The following DDR2 variants were observed in gnomAD, a reference collection of about 807,000 sequenced individuals.
DDR2 encodes the protein discoidin domain-containing receptor 2.
DDR2 carries 27 observed loss-of-function variants against 94.9 expected under a neutral mutation model. That is an observed-to-expected ratio of 0.28 (90% CI 0.21 to 0.39). DDR2 has a LOEUF of 0.39. DDR2 is among the 10% of genes least tolerant of loss of function. The pLI is 1.00. For missense variants in DDR2, 783 were observed against 1,076.0 expected (o/e 0.73, Z 3.81); for synonymous variants, 382 against 377.2 (o/e 1.01, Z -0.15).
intron 7 of DDR2, among the ~76,000 whole-genome samples, chr1:162,759,060 A>G (rs1349870253): frequency 2.0e-5 from 3 of 152,234 alleles, no homozygotes; most frequent in Admixed American, 2.0e-4. Context: ...AAGTCAAAAA[A>G]GCCTGCTAAG....
intron 11 of DDR2, among the ~76,000 whole-genome samples, chr1:162,768,246 T>C (rs1440263705): frequency 2.6e-5 from 4 of 152,234 alleles, no homozygotes; most frequent in Admixed American, 6.5e-5. Context: ...TTGGACCAAA[T>C]AGCAACTCCC....
intron 2 of DDR2, among the ~76,000 whole-genome samples, chr1:162,690,784 G>A (rs1013589495): frequency 1.3e-5 from 2 of 152,184 alleles, no homozygotes; most frequent in Non-Finnish European, 2.9e-5. Context: ...CCTCATGCCT[G>A]TTCCTGAGGA....
chr1:162,767,286 C>T lies in DDR2; in HGVS notation c.1220C>T (p.Ala407Val), dbSNP rs778996377. 1 of 1,614,072 alleles carries T rather than the reference C, an allele frequency of 6.2e-7. No individual in the cohort carries two copies. Among genetic ancestry groups the T allele is most frequent in the Admixed American group, 1.7e-5 (1 of 60,018 alleles). The change falls in exon 11 of 18, where the codon GCC (alanine) becomes GTC (valine). Residue 407 changes from alanine (A) to valine (V), a missense_variant. Coordinates refer to ENST00000367921, the MANE Select transcript of DDR2 (RefSeq NM_006182.4). ...NTRILIGCLV[A>V]IIFILLAIIV... ...CGGATCCTGATTGGCTGCTTGGTGG[C>T]CATCATCTTTATCCTCCTGGCCATC...
intron 2 of DDR2, among the ~76,000 whole-genome samples, chr1:162,684,280 A>G (rs973282325): frequency 6.6e-6 from 1 of 152,086 alleles, no homozygotes; most frequent in Non-Finnish European, 1.5e-5. Flanking sequence ...TCTTCCTTCC[A>G]AGCCTCTATT....
intron 3 of DDR2, among the ~76,000 whole-genome samples, chr1:162,747,024 A>C (rs1156386403): frequency 2.0e-5 from 3 of 152,220 alleles, no homozygotes; most frequent in Non-Finnish European, 4.4e-5. Flanking sequence ...CACCATCATC[A>C]AAGACTAAAG....
chr1:162,632,994 A>C (rs1656634375), intron 1 of DDR2, among the ~76,000 whole-genome samples: 1 of 152,240 alleles, frequency 6.6e-6, no homozygotes, highest in South Asian at 2.1e-4. Flanking sequence ...AAGAAGGCAG[A>C]GCAGGAGAGC....
intron 3 of DDR2, among the ~76,000 whole-genome samples, chr1:162,752,161 G>A (rs1374329402): frequency 6.7e-6 from 1 of 150,050 alleles, no homozygotes. Context: ...AAAGAGAAAA[G>A]AAAAAAAAAA....
At position 162,782,711 on chromosome 1, in the gene DDR2, A is replaced by C. The variant is rs1647970539; in HGVS notation, c.*2465A>C. ...CACTTATTCTTTTTTATGATTCTGC[A>C]CCAGTTCACTGGGTTATTCTATGAT... On this transcript the variant is annotated 3_prime_UTR_variant, in exon 18 of 18. Coordinates refer to ENST00000367921, the MANE Select transcript of DDR2 (RefSeq NM_006182.4). 6.6e-6 allele frequency: 1 copy of C among 152,134 alleles called. No homozygotes were observed. Among genetic ancestry groups the C allele is most frequent in the Admixed American group, 6.6e-5 (1 of 15,260 alleles). 9.4% of individuals were successfully genotyped at this position (152,134 alleles called of 1,614,324 possible). A position where few individuals can be genotyped will look rare whatever the true frequency, so the allele number is the denominator to read the frequency against.
At chr1:162,689,574 ATTT>A (rs66495803) in intron 2 of DDR2, among the ~76,000 whole-genome samples, 1 of 147,412 alleles carries the variant, frequency 6.8e-6, no homozygotes, top group Non-Finnish European at 1.5e-5. Flanking sequence ...GGTCTCACTT[ATTT>A]TTTTTTTTTG....
intron 2 of DDR2, among the ~76,000 whole-genome samples, chr1:162,656,952 A>G (rs1658016877): frequency 6.7e-6 from 1 of 148,738 alleles, no homozygotes; most frequent in South Asian, 2.1e-4. Flanking sequence ...CCAGGCTCAA[A>G]TTATCCTCCC....
In DDR2 at chr1:162,782,818, T is replaced by G. The variant is rs534449941; in HGVS notation, c.*2572T>G. ...TCCTGGCCTTGAGTCACAGAAGTAA[T>G]ATGTTTCAGATGGCTGCCCAATATG... On this transcript the variant is annotated 3_prime_UTR_variant, in exon 18 of 18. Coordinates refer to ENST00000367921, the MANE Select transcript of DDR2 (RefSeq NM_006182.4). 6.6e-6 allele frequency: 1 copy of G among 152,270 alleles called. No homozygotes were observed. Among genetic ancestry groups the G allele is most frequent in the Admixed American group, 6.5e-5 (1 of 15,280 alleles). 9.4% of individuals were successfully genotyped at this position (152,270 alleles called of 1,614,324 possible).
At chr1:162,730,185 T>C (rs1661962618) in intron 3 of DDR2, among the ~76,000 whole-genome samples, 1 of 151,276 alleles carries the variant, frequency 6.6e-6, no homozygotes, top group Non-Finnish European at 1.5e-5. Flanking sequence ...ATGGTGTGAG[T>C]AAATTAGAAG....
chr1:162,718,864 G>C (rs1661286532), intron 2 of DDR2, among the ~76,000 whole-genome samples, 173 bp from the exon 3 acceptor site: 2 of 152,110 alleles, frequency 1.3e-5, no homozygotes, highest in Admixed American at 1.3e-4. Context: ...GGTGATTATT[G>C]GATGTGCCAT....
At chr1:162,677,324 C>T (rs1437216489) in intron 2 of DDR2, among the ~76,000 whole-genome samples, 3 of 152,172 alleles carry the variant, frequency 2.0e-5, no homozygotes, top group Admixed American at 1.3e-4. Flanking sequence ...TGAGGGTTTA[C>T]TGTGGAAGAC....
chr1:162,785,764 A>T lies in DDR2; in HGVS notation c.*5518A>T, dbSNP rs1648122295. 6.6e-6 allele frequency: 1 copy of T among 152,208 alleles called. No individual in the cohort carries two copies. The highest frequency in any genetic ancestry group is 2.4e-5 in the African/African-American group (1 of 41,442). 9.4% of individuals were successfully genotyped at this position (152,208 alleles called of 1,614,324 possible). A position where few individuals can be genotyped will look rare whatever the true frequency, so the allele number is the denominator to read the frequency against. ...TATTTTCAAGTGAGGAAAGAGAAAA[A>T]AATTACTCAGACTTGTTCCTGGTGA... On this transcript the variant is annotated 3_prime_UTR_variant, in exon 18 of 18. Transcript: ENST00000367921.
chr1:162,766,158 G>A (rs1318149098), intron 10 of DDR2, 95 bp downstream of exon 10: 3 of 1,342,782 alleles, frequency 2.2e-6, no homozygotes, highest in Non-Finnish European at 3.2e-6. Context: ...TGTGTGGGAG[G>A]CTTTACACCA....
chr1:162,703,598 T>A (rs1328435946), intron 2 of DDR2, among the ~76,000 whole-genome samples: 1 of 152,110 alleles, frequency 6.6e-6, no homozygotes, highest in Non-Finnish European at 1.5e-5. Context: ...CTACTATAGG[T>A]GAATTCATGA....
chr1:162,662,677 T>C (rs1257647168), intron 2 of DDR2, among the ~76,000 whole-genome samples: 16 of 152,114 alleles, frequency 1.1e-4, no homozygotes, highest in Non-Finnish European at 2.4e-4. Context: ...ATCTGTAAAA[T>C]GAAGGTGATA....
intron 11 of DDR2, 77 bp downstream of exon 11, chr1:162,767,436 A>G (rs2102173779): frequency 6.3e-7 from 1 of 1,578,194 alleles, no homozygotes; most frequent in Non-Finnish European, 8.6e-7. Flanking sequence ...CAGGAGTAAA[A>G]GGCAAATTGC....
Sources: gnomAD v4.1 joint callset for allele counts (sites outside exome capture counted in the v4.1 genomes callset) on GRCh38, gnomAD v4.1.1 for gene constraint, MANE v1.5 for transcripts, NCBI Gene and HGNC (gene_info 2026-07-23, HGNC 2026-07-21) for gene names.